The following GAS2 variants were observed in gnomAD, a reference collection of about 807,000 sequenced individuals.
The protein encoded by GAS2 is growth arrest specific 2.
A neutral mutation model predicts 37.5 loss-of-function variants in GAS2; 20 were observed. That is an observed-to-expected ratio of 0.53 (90% CI 0.37 to 0.77). The LOEUF (loss-of-function observed/expected upper bound fraction) is 0.77. Ranked by LOEUF, GAS2 falls within the 30% of genes least tolerant of loss-of-function variation. GAS2 has a pLI of 0.00. For synonymous variants in GAS2, 144 were observed against 132.2 expected, an observed-to-expected ratio of 1.09 and a Z score of -0.61; for missense variants, 336 against 373.4, an observed-to-expected ratio of 0.90 and a Z score of 0.82.
chr11:22,665,665 A>G (rs1018380167), upstream of GAS2, among the ~76,000 whole-genome samples: 3 of 152,226 alleles, frequency 2.0e-5, no homozygotes, highest in Admixed American at 1.3e-4. Flanking sequence ...AAACTTTTCA[A>G]TCGGTTTTCT....
intron 1 of GAS2, among the ~76,000 whole-genome samples, chr11:22,661,458 G>C (rs1248387442): frequency 6.6e-6 from 1 of 152,178 alleles, no homozygotes; most frequent in Non-Finnish European, 1.5e-5. Flanking sequence ...AAGTGAGATA[G>C]ATGCATAAAC....
At chr11:22,761,260 T>C (rs1854379090) in intron 7 of GAS2, among the ~76,000 whole-genome samples, 2 of 152,312 alleles carry the variant, frequency 1.3e-5, no homozygotes, top group South Asian at 4.1e-4. Context: ...CCTTTAGGGC[T>C]CAGTTTTTAG....
chr11:22,789,452 A>T (rs1378041744), intron 7 of GAS2, among the ~76,000 whole-genome samples: 17 of 74,236 alleles, frequency 2.3e-4, no homozygotes, highest in African/African-American at 7.7e-4. Flanking sequence ...ATATATATAT[A>T]TATTCTTTTT....
At chr11:22,786,795 A>T (rs1207217841) in intron 7 of GAS2, among the ~76,000 whole-genome samples, 2 of 152,164 alleles carry the variant, frequency 1.3e-5, no homozygotes, top group Non-Finnish European at 2.9e-5. Context: ...TAAATATCAC[A>T]CTGTTAGGTA....
intron 3 of GAS2, among the ~76,000 whole-genome samples, chr11:22,716,229 C>T (rs1023595272): frequency 6.6e-6 from 1 of 152,076 alleles, no homozygotes; most frequent in Admixed American, 6.6e-5. Context: ...ACATACTGAT[C>T]AGGGAAAAAT....
chr11:22,811,717 A>C (rs757194546), intron 7 of GAS2, 81 bp from the exon 8 acceptor site: 1 of 1,326,518 alleles, frequency 7.5e-7, no homozygotes. Flanking sequence ...CCAAAACACT[A>C]ATTTCACTAG....
At chr11:22,764,519 G>A (rs1854574079) in intron 7 of GAS2, among the ~76,000 whole-genome samples, 1 of 137,526 alleles carries the variant, frequency 7.3e-6, no homozygotes, top group Non-Finnish European at 1.5e-5. Context: ...GGGAGATCTC[G>A]CCGCTGCACT....
At chr11:22,631,926 T>C (rs1265516316) in intron 1 of GAS2, among the ~76,000 whole-genome samples, 3 of 150,130 alleles carry the variant, frequency 2.0e-5, no homozygotes, top group African/African-American at 4.9e-5. Context: ...AATTTGGCTG[T>C]GAATCCATCT....
intron 2 of GAS2, among the ~76,000 whole-genome samples, chr11:22,680,556 G>A (rs1311236330): frequency 1.3e-5 from 2 of 152,102 alleles, no homozygotes. Flanking sequence ...ATAGTATCTG[G>A]ATCATCTTTA....
chr11:22,652,911 C>G (rs148016244), intron 1 of GAS2, among the ~76,000 whole-genome samples: 3,043 of 152,184 alleles, frequency 0.02, 52 homozygotes, highest in Non-Finnish European at 0.031. Context: ...AGCTGTAGAC[C>G]GGAGCGGTTC....
chr11:22,699,035 C>T (rs1383760376), intron 3 of GAS2, among the ~76,000 whole-genome samples: 2 of 152,122 alleles, frequency 1.3e-5, no homozygotes, highest in Non-Finnish European at 2.9e-5. Flanking sequence ...TAAGCTCAAG[C>T]CCCCACAAAA....
intron 4 of GAS2, among the ~76,000 whole-genome samples, chr11:22,730,374 G>C (rs1034935154): frequency 1.4e-4 from 21 of 151,684 alleles, no homozygotes; most frequent in African/African-American, 5.1e-4. Flanking sequence ...TTATACATCA[G>C]TATATTAAAA....
In GAS2 at chr11:22,685,735, A is replaced by G; in HGVS notation, c.213A>G (p.Ala71=). Reference sequence around the variant, plus strand: ...ATGGTGCCTTGCTCTGTCAACTTGCAGAAACTATGCAGGAGAAATTCAAGG... The same window carrying G: ...ATGGTGCCTTGCTCTGTCAACTTGCGGAAACTATGCAGGAGAAATTCAAGG... ...LDNGALLCQL[A]ETMQEKFKES... is the part of the protein sequence containing the mutation. Residue 71 remains alanine, a synonymous_variant, in exon 3 of 8, where the codon GCA becomes GCG. Transcript: ENST00000454584. 6.2e-7 allele frequency: 1 copy of G among 1,613,928 alleles called. No individual in the cohort carries two copies. The highest frequency in any genetic ancestry group is 8.5e-7 in the Non-Finnish European group (1 of 1,179,888).
chr11:22,672,484 T>A (rs1047321394), intron 1 of GAS2: 4 of 152,158 alleles, frequency 2.6e-5, no homozygotes, highest in African/African-American at 9.7e-5. Context: ...GATAAATTAT[T>A]TGCTGGACAA....
At chr11:22,653,360 G>T (rs1031623658) in intron 1 of GAS2, among the ~76,000 whole-genome samples, 2 of 152,146 alleles carry the variant, frequency 1.3e-5, no homozygotes, top group African/African-American at 4.8e-5. Flanking sequence ...ACATTTCATT[G>T]TGAGGACTCA....
chr11:22,808,211 C>T (rs7111546), intron 7 of GAS2, among the ~76,000 whole-genome samples: 34,058 of 152,102 alleles, frequency 0.22, 4,966 homozygotes, highest in African/African-American at 0.42. Context: ...TAGCTCTTAT[C>T]AAAGGAACCT....
chr11:22,712,803 G>C (rs867895336), intron 3 of GAS2, among the ~76,000 whole-genome samples: 1 of 152,040 alleles, frequency 6.6e-6, no homozygotes, highest in Non-Finnish European at 1.5e-5. Flanking sequence ...AAGGCCGGGG[G>C]CAGTGGCTCA....
At chr11:22,736,113 A>C (rs950872963) in intron 4 of GAS2, among the ~76,000 whole-genome samples, 4 of 151,750 alleles carry the variant, frequency 2.6e-5, no homozygotes, top group Non-Finnish European at 5.9e-5. Context: ...TCTCTGTATG[A>C]AATTGATGCC....
intron 2 of GAS2, among the ~76,000 whole-genome samples, chr11:22,680,811 G>A (rs990815154): frequency 1.3e-5 from 2 of 152,120 alleles, no homozygotes; most frequent in Admixed American, 1.3e-4. Flanking sequence ...TGTGTATTCA[G>A]CAAACATTTA....
Sources: allele counts gnomAD v4.1 joint callset (sites outside exome capture counted in the v4.1 genomes callset), GRCh38; gene constraint gnomAD v4.1.1; transcripts MANE v1.5; gene names NCBI Gene and HGNC (gene_info 2026-07-23, HGNC 2026-07-21).